Variants in C1orf167 observed in about 807,000 individuals in gnomAD.
C1orf167 encodes uncharacterized protein C1orf167.
A neutral mutation model predicts 176.5 loss-of-function variants in C1orf167; 153 were observed. The ratio of observed to expected loss-of-function variants is 0.87; its 90% confidence interval spans 0.76 to 0.99. C1orf167 has a LOEUF of 0.99. Among genes scored for constraint, C1orf167 ranks in the 50% least tolerant of loss-of-function variants. C1orf167 has a pLI of 0.00. For missense variants in C1orf167, 1,490 were observed against 1,817.7 expected (o/e 0.82, Z 3.28); for synonymous variants, 594 against 752.7 (o/e 0.79, Z 3.45).
intron 13 of C1orf167, among the ~76,000 whole-genome samples, chr1:11,780,631 A>G (rs1643550614): frequency 6.6e-6 from 1 of 152,210 alleles, no homozygotes; most frequent in Non-Finnish European, 1.5e-5. Context: ...TCCCTATGTC[A>G]TCACCTTTAT....
intron 19 of C1orf167, 131 bp downstream of exon 19, chr1:11,788,509 C>A: frequency 9.1e-7 from 1 of 1,102,564 alleles, no homozygotes; most frequent in Non-Finnish European, 1.2e-6. Flanking sequence ...CAGGAATCTG[C>A]ATTCTTAATA....
At chr1:11,764,560 C>T in intron 2 of C1orf167, 90 bp downstream of exon 2, 1 of 1,119,362 alleles carries the variant, frequency 8.9e-7, no homozygotes, top group South Asian at 1.3e-5. Context: ...GGCAGGCCAG[C>T]CTATAGGGCC....
intron 10 of C1orf167, 60 bp downstream of exon 10, chr1:11,776,698 G>T: frequency 1.7e-6 from 2 of 1,164,252 alleles, no homozygotes; most frequent in Non-Finnish European, 2.2e-6. Context: ...GTGGGCACGT[G>T]AGCAGTGCTC....
chr1:11,787,684 C>T (rs1643921801), intron 17 of C1orf167, 189 bp from the exon 18 acceptor site: 2 of 893,662 alleles, frequency 2.2e-6, no homozygotes, highest in African/African-American at 1.8e-5. Context: ...TGCCCCGCCC[C>T]TGTGATTTCT....
At chr1:11,776,994 C>T (rs4846041) in intron 10 of C1orf167, 104,753 of 154,676 alleles carry the variant, frequency 0.68, 36,277 homozygotes, top group East Asian at 0.89. Flanking sequence ...TCTGTCTCGC[C>T]GTCACCGCTG....
intron 10 of C1orf167, 68 bp downstream of exon 10, chr1:11,776,706 C>T: frequency 8.7e-7 from 1 of 1,145,788 alleles, no homozygotes. Flanking sequence ...GTGAGCAGTG[C>T]TCAGCACCAG....
chr1:11,788,860 C>A (rs1643989121), intron 20 of C1orf167, 114 bp downstream of exon 20: 3 of 945,704 alleles, frequency 3.2e-6, no homozygotes, highest in Non-Finnish European at 4.4e-6. Context: ...AGCCCCGGGG[C>A]CCCTTCGTTT....
intron 2 of C1orf167, among the ~76,000 whole-genome samples, chr1:11,764,754 C>CT (rs1281880316): frequency 2.0e-5 from 3 of 152,144 alleles, no homozygotes; most frequent in South Asian, 2.1e-4. Flanking sequence ...GCTGCTGAGG[C>CT]TTTAAGAAAG....
In C1orf167 at chr1:11,787,411, C is replaced by T. The variant is rs1400203956; in HGVS notation, c.3591C>T (p.Ala1197=). 11 of 1,301,950 alleles carry T rather than the reference C, an allele frequency of 8.4e-6. No individual in the cohort carries two copies. The highest frequency in any genetic ancestry group is 1.1e-5 in the Non-Finnish European group (11 of 987,964). 80.6% of individuals were successfully genotyped at this position (1,301,950 alleles called of 1,614,324 possible). ...AGKTRSCWTQ[A]TELVPPAPSL... Reference sequence around the variant, plus strand: ...AGACCCGCAGCTGCTGGACACAGGCCACAGAGCTGGTGCCTCCCGCGCCAT... The same window carrying T: ...AGACCCGCAGCTGCTGGACACAGGCTACAGAGCTGGTGCCTCCCGCGCCAT... Residue 1197 remains alanine, a synonymous_variant, in exon 17 of 21, where the codon GCC becomes GCT. Transcript: ENST00000688073.
intron 1 of C1orf167, among the ~76,000 whole-genome samples, chr1:11,763,210 C>T (rs952894855): frequency 7.2e-5 from 11 of 152,116 alleles, no homozygotes; most frequent in African/African-American, 2.2e-4. Context: ...GAGGCCGAGG[C>T]GGGCCAATCA....
At position 11,766,787 on chromosome 1, in the gene C1orf167, G is replaced by A. The variant is rs796234359; in HGVS notation, c.1001G>A (p.Arg334Gln). Residue 334 changes from arginine to glutamine, a missense_variant, in exon 3 of 21, where the codon CGG becomes CAG. Arg to Gln is a conservative substitution (Grantham distance 43, BLOSUM62 1). Coordinates refer to ENST00000688073, the MANE Select transcript of C1orf167 (RefSeq NM_001010881.2). This position sits in a 1 kb window ranked among gnomAD's most constrained non-coding sequence, Gnocchi z 4.5. The part of the protein sequence containing the change: ...LMSPETTLGT[R>Q]TKDSLNPEQG... ...TCACCTGAGACCACTTTGGGGACAC[G>A]GACCAAGGATTCCCTTAATCCTGAG... 10 of 1,289,620 alleles carry A rather than the reference G, an allele frequency of 7.8e-6. No individual in the cohort carries two copies. The highest frequency in any genetic ancestry group is 4.6e-5 in the Admixed American group (2 of 43,544). The allele number at this position is 1,289,620 out of a possible 1,614,324, so 79.9% of individuals were successfully genotyped here. A position where few individuals can be genotyped will look rare whatever the true frequency, so the allele number is the denominator to read the frequency against.
chr1:11,783,757 G>A (rs1302074899), intron 14 of C1orf167, among the ~76,000 whole-genome samples: 3 of 152,332 alleles, frequency 2.0e-5, no homozygotes, highest in Admixed American at 6.5e-5. Flanking sequence ...GTTACTGGTC[G>A]TTTACTGTTT....
Position 11,762,304 on chromosome 1 carries a change from A to G in C1orf167, c.-72A>G. ...AGGAGGACCCGAGGAGGACCCACGC[A>G]CGTGAGGGCAGATCCATGAGGGCAG... On this transcript the variant is annotated splice_region_variant and 5_prime_UTR_variant, in exon 1 of 21. Coordinates refer to ENST00000688073, the MANE Select transcript of C1orf167 (RefSeq NM_001010881.2). 1 of 389,104 alleles carries G rather than the reference A, an allele frequency of 2.6e-6. No individual in the cohort carries two copies. Among genetic ancestry groups the G allele is most frequent in the Non-Finnish European group, 5.2e-6 (1 of 192,820 alleles). The allele number at this position is 389,104 out of a possible 1,614,324, so 24.1% of individuals were successfully genotyped here.
Position 11,778,713 on chromosome 1 carries a change from G to A in C1orf167, c.2393G>A (p.Trp798Ter). 4.6e-6 allele frequency: 6 copies of A among 1,304,014 alleles called. No homozygotes were observed. The highest frequency in any genetic ancestry group is 5.1e-6 in the Non-Finnish European group (5 of 988,738). The allele number at this position is 1,304,014 out of a possible 1,614,324, so 80.8% of individuals were successfully genotyped here. ...ATGCTGCAGCGCAGCCTGAGATGGT[G>A]GCACTTGAGGGCACTGGGCCCAGAT... ...QRMLQRSLRW[W>*]HLRALGPDAT... The change falls in exon 11 of 21, where the codon TGG becomes TAG. Residue 798 changes from tryptophan (W) to a stop codon, truncating the protein, a stop_gained. Coordinates refer to ENST00000688073, the MANE Select transcript of C1orf167 (RefSeq NM_001010881.2). LOFTEE classifies it high-confidence loss of function.
intron 15 of C1orf167, 92 bp from the exon 16 acceptor site, chr1:11,785,056 G>A (rs11587953): frequency 0.99 from 1,097,809 of 1,112,162 alleles, 543,133 homozygotes; most frequent in East Asian, 1. Flanking sequence ...GGCTGGGCCC[G>A]GAAGGCCCCC....
rs1643462902 is a variant in C1orf167 at position 11,778,958 on chromosome 1, C to T, written c.2529C>T (p.Leu843=). 3.1e-6 allele frequency: 4 copies of T among 1,303,796 alleles called. No individual in the cohort carries two copies. Among genetic ancestry groups the T allele is most frequent in the African/African-American group, 1.5e-5 (1 of 65,858 alleles). 80.8% of individuals were successfully genotyped at this position (1,303,796 alleles called of 1,614,324 possible). The change falls in exon 12 of 21, where the codon CTC becomes CTT. Residue 843 remains leucine (L), a synonymous_variant. Coordinates refer to ENST00000688073, the MANE Select transcript of C1orf167 (RefSeq NM_001010881.2). ...GGGCCCCCACCCTCCCGGACACTCT[C>T]CAGGGGAGCCTTCTGTGGGCAGCTG... ...VPRAPTLPDT[L]QGSLLWAAGQ... is the part of the protein sequence containing the mutation.
chr1:11,773,188 C>T (rs1236956826), intron 8 of C1orf167, among the ~76,000 whole-genome samples: 3 of 151,864 alleles, frequency 2.0e-5, no homozygotes, highest in South Asian at 2.1e-4. Context: ...CCACCGCACC[C>T]GGCCTGTGGG....
At chr1:11,763,632 G>T (rs1045270967) in intron 1 of C1orf167, among the ~76,000 whole-genome samples, 4 of 152,228 alleles carry the variant, frequency 2.6e-5, no homozygotes, top group Admixed American at 6.5e-5. Context: ...GGCTCACGGG[G>T]CATTGAGGGG....
In C1orf167 at chr1:11,776,576, AC is replaced by A; in HGVS notation, c.2278del (p.Leu760TrpfsTer36). The A allele has an allele frequency of 8.1e-7, 1 of 1,240,420 alleles. No individual in the cohort carries two copies. Among genetic ancestry groups the A allele is most frequent in the Non-Finnish European group, 1.0e-6 (1 of 958,756 alleles). The allele number at this position is 1,240,420 out of a possible 1,614,324, so 76.8% of individuals were successfully genotyped here. On this transcript the variant is annotated frameshift_variant, in exon 10 of 21. Coordinates refer to ENST00000688073, the MANE Select transcript of C1orf167 (RefSeq NM_001010881.2). LOFTEE classifies it high-confidence loss of function. ...RGSLQDACWT[L>X]ALCWALLLWK... ...GCTCCCTGCAGGATGCCTGCTGGACACTGGCCCTCTGCTGGGCGCTGCTGCT... is the reference window on the plus strand; with the variant it reads ...GCTCCCTGCAGGATGCCTGCTGGACATGGCCCTCTGCTGGGCGCTGCTGCT...
Sources: allele counts gnomAD v4.1 joint callset (sites outside exome capture counted in the v4.1 genomes callset), GRCh38; gene constraint gnomAD v4.1.1; non-coding constraint Gnocchi (gnomAD v3.1); transcripts MANE v1.5; gene names NCBI Gene and HGNC (gene_info 2026-07-23, HGNC 2026-07-21).